Variants in TDRD3 observed in about 807,000 individuals in gnomAD.
The protein encoded by TDRD3 is tudor domain containing 3, also known as tudor domain-containing protein 3.
A neutral mutation model predicts 86.7 loss-of-function variants in TDRD3; 45 were observed. The observed-to-expected ratio is 0.52, with a 90% confidence interval of 0.41 to 0.67. TDRD3 has a LOEUF of 0.67. TDRD3 is among the 30% of genes least tolerant of loss of function. The probability of loss-of-function intolerance (pLI) is 0.00; values close to 1 mark genes in which losing one functional copy is unlikely to be tolerated. For synonymous variants in TDRD3, 298 were observed against 301.7 expected (o/e 0.99, Z 0.13); for missense variants, 814 against 889.0 (o/e 0.92, Z 1.07).
chr13:60,567,436 T>C (rs1426602216), intron 12 of TDRD3, 89 bp from the exon 13 acceptor site: 4 of 1,552,664 alleles, frequency 2.6e-6, no homozygotes, highest in Non-Finnish European at 2.7e-6. Context: ...TTAAGAGAGA[T>C]ATTATTAAAA....
intron 8 of TDRD3, among the ~76,000 whole-genome samples, chr13:60,499,708 T>G (rs1211553189): frequency 1.1e-4 from 16 of 152,326 alleles, no homozygotes; most frequent in Non-Finnish European, 5.9e-5. Flanking sequence ...TCAGGAAAAT[T>G]TCTAGGGGTC....
At chr13:60,499,318 G>A (rs1956782550) in intron 8 of TDRD3, among the ~76,000 whole-genome samples, 1 of 152,208 alleles carries the variant, frequency 6.6e-6, no homozygotes, top group Admixed American at 6.5e-5. Context: ...TGTACCAGAT[G>A]TGGTTTCATT....
intron 12 of TDRD3, among the ~76,000 whole-genome samples, chr13:60,558,918 T>C (rs1471028657): frequency 6.6e-6 from 1 of 151,892 alleles, no homozygotes; most frequent in African/African-American, 2.4e-5. Context: ...GGCAAGAACC[T>C]TTCTTCTTGC....
chr13:60,567,926 G>C (rs569231528), intron 13 of TDRD3, among the ~76,000 whole-genome samples: 1 of 148,484 alleles, frequency 6.7e-6, no homozygotes, highest in Non-Finnish European at 1.5e-5. Flanking sequence ...TAGTAGCAAT[G>C]GGGTTTCACC....
At chr13:60,433,226 T>C (rs777332550) in intron 1 of TDRD3, among the ~76,000 whole-genome samples, 8 of 152,204 alleles carry the variant, frequency 5.3e-5, no homozygotes, top group Non-Finnish European at 1.0e-4. Flanking sequence ...TGGGTGGCAG[T>C]GGGTAAAAGA....
intron 1 of TDRD3, among the ~76,000 whole-genome samples, chr13:60,405,598 A>G (rs367884307): frequency 1.6e-4 from 24 of 152,306 alleles, no homozygotes; most frequent in African/African-American, 5.8e-4. Context: ...ACTAGGGAGC[A>G]TGGTGAATAC....
chr13:60,525,097 A>C (rs548946385), intron 10 of TDRD3, among the ~76,000 whole-genome samples: 6 of 149,486 alleles, frequency 4.0e-5, no homozygotes, highest in South Asian at 4.2e-4. Flanking sequence ...AAAAAAAAAA[A>C]AAAAAAAAAA....
intron 12 of TDRD3, among the ~76,000 whole-genome samples, chr13:60,539,384 T>G (rs1957764100): frequency 6.6e-6 from 1 of 152,040 alleles, no homozygotes; most frequent in Non-Finnish European, 1.5e-5. Context: ...AAACAAAATA[T>G]GAGTAGAGAA....
At position 60,485,877 on chromosome 13, in the gene TDRD3, C is replaced by A; in HGVS notation, c.646C>A (p.Pro216Thr). ...ATTGCAAGTTACAATGCCTGTCAAA[C>A]CTACAAATGATAATGATGAATTTGA... ...KTLQVTMPVK[P>T]TNDNDEFEKQ... is the part of the protein sequence containing the mutation. The change falls in exon 7 of 14, where the codon CCT becomes ACT. Residue 216 changes from proline (P) to threonine (T), a missense_variant. Transcript: ENST00000377881. The A allele has an allele frequency of 6.2e-7, 1 of 1,610,620 alleles. No homozygotes were observed. The highest frequency in any genetic ancestry group is 8.5e-7 in the Non-Finnish European group (1 of 1,178,490).
At chr13:60,556,976 G>A (rs112423706) in intron 12 of TDRD3, among the ~76,000 whole-genome samples, 13,468 of 152,056 alleles carry the variant, frequency 0.089, 686 homozygotes, top group African/African-American at 0.13. Context: ...AGGCTGAGGC[G>A]GGCAGATCAC....
intron 3 of TDRD3, among the ~76,000 whole-genome samples, chr13:60,455,325 G>C (rs1308930384): frequency 6.6e-6 from 1 of 152,210 alleles, no homozygotes; most frequent in Non-Finnish European, 1.5e-5. Flanking sequence ...TTATCTTTCA[G>C]GCTTTTAAAG....
At chr13:60,547,458 CT>C in intron 12 of TDRD3, 1 of 971,070 alleles carries the variant, frequency 1.0e-6, no homozygotes, top group Non-Finnish European at 1.2e-6. Context: ...GGTTCGAGTC[CT>C]GGCTCTGCCA....
intron 8 of TDRD3, among the ~76,000 whole-genome samples, chr13:60,509,224 A>T (rs1377872197): frequency 6.6e-6 from 1 of 152,082 alleles, no homozygotes; most frequent in African/African-American, 2.4e-5. Flanking sequence ...GCATTTGTAA[A>T]GTAGATTTTC....
chr13:60,437,353 T>C (rs1402692467), intron 1 of TDRD3, among the ~76,000 whole-genome samples: 2 of 151,820 alleles, frequency 1.3e-5, no homozygotes, highest in Admixed American at 6.6e-5. Context: ...CTCAAACTCC[T>C]GGCTTCAGGT....
At chr13:60,567,727 A>T in intron 13 of TDRD3, 77 bp downstream of exon 13, 1 of 1,545,354 alleles carries the variant, frequency 6.5e-7, no homozygotes, top group Non-Finnish European at 8.8e-7. Context: ...CCAATTAGTG[A>T]TTTTTTTTTC....
At chr13:60,524,363 C>T (rs1032750715) in intron 10 of TDRD3, among the ~76,000 whole-genome samples, 2 of 151,630 alleles carry the variant, frequency 1.3e-5, no homozygotes, top group Admixed American at 6.6e-5. Context: ...AAAAATTAGC[C>T]GGGCGTGGTG....
chr13:60,515,252 A>C (rs1957144081), intron 10 of TDRD3, among the ~76,000 whole-genome samples: 4 of 152,204 alleles, frequency 2.6e-5, no homozygotes, highest in Admixed American at 2.6e-4. Context: ...AATAAGACCT[A>C]CCCATTGTTT....
chr13:60,508,204 T>A (rs1168755007), intron 8 of TDRD3, among the ~76,000 whole-genome samples: 2 of 152,206 alleles, frequency 1.3e-5, no homozygotes, highest in Non-Finnish European at 2.9e-5. Flanking sequence ...CAAAGTAATG[T>A]ATAGATTCAG....
intron 3 of TDRD3, among the ~76,000 whole-genome samples, chr13:60,447,164 C>T (rs867862692): frequency 2.6e-5 from 4 of 152,098 alleles, no homozygotes; most frequent in Non-Finnish European, 5.9e-5. Context: ...AACCAATGTT[C>T]CAAAAACTAA....
Sources: gnomAD v4.1 joint callset for allele counts (sites outside exome capture counted in the v4.1 genomes callset) on GRCh38, gnomAD v4.1.1 for gene constraint, MANE v1.5 for transcripts, NCBI Gene and HGNC (gene_info 2026-07-23, HGNC 2026-07-21) for gene names.